Variants in KL observed in about 807,000 individuals in gnomAD.
KL encodes alpha-klotho.
In KL, 62 loss-of-function variants were observed where a neutral mutation model predicts 84.2. The observed-to-expected ratio is 0.74, with a 90% CI of 0.60 to 0.91. The LOEUF (loss-of-function observed/expected upper bound fraction) is 0.91, where lower values mean the gene tolerates loss of function less well. Among genes scored for constraint, KL ranks in the 40% least tolerant of loss-of-function variants. The pLI is 0.00. For synonymous variants in KL, 528 were observed against 528.0 expected, an observed-to-expected ratio of 1.00 and a Z score of 0.00; for missense variants, 1,261 against 1,305.7, an observed-to-expected ratio of 0.97 and a Z score of 0.53.
chr13:33,043,120 A>G (rs893141163), intron 1 of KL, among the ~76,000 whole-genome samples: 1 of 152,206 alleles, frequency 6.6e-6, no homozygotes, highest in African/African-American at 2.4e-5. Flanking sequence ...CTTTAATTTT[A>G]TAAGAAACTG....
chr13:33,023,074 C>T (rs565364563), intron 1 of KL, among the ~76,000 whole-genome samples: 3 of 152,290 alleles, frequency 2.0e-5, no homozygotes, highest in African/African-American at 7.2e-5. Context: ...AAGGTGGCCT[C>T]TCAAGTGCCT....
rs377442611 is a variant in KL at position 33,016,834 on chromosome 13, G to A, written c.394G>A (p.Val132Ile). The change falls in exon 1 of 5, where the codon GTC becomes ATC. Residue 132 changes from valine to isoleucine, a missense_variant. By Grantham distance (29) the Val-to-Ile change is conservative. Transcript: ENST00000380099. Reference protein sequence around the residue: ...GDVASDSYNNVFRDTEALREL... With the variant: ...GDVASDSYNNIFRDTEALREL... ...CGTAGCCAGCGACAGCTACAACAAC[G>A]TCTTCCGCGACACGGAGGCGCTGCG... is the stretch of plus-strand genomic sequence containing the variant. 6.8e-6 allele frequency: 11 copies of A among 1,612,792 alleles called. No individual in the cohort carries two copies. The African/African-American group carries it at 1.5e-4, about 22-fold the overall frequency.
At chr13:33,047,356 CTT>C (rs57916391) in intron 1 of KL, among the ~76,000 whole-genome samples, 139 of 139,198 alleles carry the variant, frequency 1.0e-3, no homozygotes, top group Admixed American at 1.2e-3. Context: ...AATCTACTTT[CTT>C]TTTTTTTTTT....
chr13:33,044,743 T>A (rs892649926), intron 1 of KL, among the ~76,000 whole-genome samples: 7 of 144,526 alleles, frequency 4.8e-5, no homozygotes, highest in Non-Finnish European at 9.0e-5. Context: ...CTTGAACTCC[T>A]GGGCTGAAGG....
In KL at chr13:33,055,169, G is replaced by A; in HGVS notation, c.1453G>A (p.Asp485Asn). Residue 485 changes from aspartate (D) to asparagine (N), a missense_variant, in exon 3 of 5, where the codon GAC becomes AAC. Asp to Asn is a conservative substitution (Grantham distance 23, BLOSUM62 1). Coordinates refer to ENST00000380099, the MANE Select transcript of KL (RefSeq NM_004795.4). ...GLFYVDFLSQ[D>N]KMLLPKSSAL... ...CTTCTATGTTGACTTTCTAAGCCAG[G>A]ACAAGATGTTGTTGCCAAAGTCTTC... 1 of 1,614,188 alleles carries A rather than the reference G, an allele frequency of 6.2e-7. No individual in the cohort carries two copies. Among genetic ancestry groups the A allele is most frequent in the Non-Finnish European group, 8.5e-7 (1 of 1,180,032 alleles).
chr13:33,059,649 T>C (rs1872095009), intron 3 of KL, among the ~76,000 whole-genome samples: 1 of 152,082 alleles, frequency 6.6e-6, no homozygotes, highest in Non-Finnish European at 1.5e-5. Context: ...CTTTTTGTAT[T>C]TTTAGTAGAG....
At chr13:33,034,547 A>C (rs1871089306) in intron 1 of KL, among the ~76,000 whole-genome samples, 3 of 152,200 alleles carry the variant, frequency 2.0e-5, no homozygotes, top group Non-Finnish European at 4.4e-5. Flanking sequence ...CACCAAAAAA[A>C]AAAATAAATA....
Position 33,060,734 on chromosome 13 carries a change from A to C in KL, c.1655A>C (p.His552Pro), listed in dbSNP as rs200206789. ...CTGAATGTTTACCTGTGGGATGTCC[A>C]CCACAGTAAAAGGCTTATTAAAGTG... ...TDLNVYLWDVHHSKRLIKVDG... is the reference protein window; with the variant it reads ...TDLNVYLWDVPHSKRLIKVDG... Residue 552 changes from histidine to proline, a missense_variant, in exon 4 of 5, where the codon CAC becomes CCC. By Grantham distance (77) the His-to-Pro change is moderately conservative. Transcript: ENST00000380099. 3.7e-5 allele frequency: 59 copies of C among 1,614,030 alleles called. No homozygotes were observed. The East Asian group carries it at 1.1e-3, about 29-fold the overall frequency.
chr13:33,032,123 A>G (rs1342388913), intron 1 of KL, among the ~76,000 whole-genome samples: 1 of 152,154 alleles, frequency 6.6e-6, no homozygotes, highest in Non-Finnish European at 1.5e-5. Context: ...TGCCTAGACC[A>G]TCCTCGTCCA....
At position 33,060,761 on chromosome 13, in the gene KL, A is replaced by G; in HGVS notation, c.1682A>G (p.Asp561Gly). The change falls in exon 4 of 5, where the codon GAT becomes GGT. Residue 561 changes from aspartate (D) to glycine (G), a missense_variant. Physicochemically the swap from Asp to Gly is moderately conservative, Grantham distance 94. Coordinates refer to ENST00000380099, the MANE Select transcript of KL (RefSeq NM_004795.4). ...VHHSKRLIKVDGVVTKKRKSY... is the reference protein window; with the variant it reads ...VHHSKRLIKVGGVVTKKRKSY... ...CACAGTAAAAGGCTTATTAAAGTGG[A>G]TGGGGTTGTGACCAAGAAGAGGAAA... is the stretch of plus-strand genomic sequence containing the variant. 1 of 1,614,186 alleles carries G rather than the reference A, an allele frequency of 6.2e-7. No homozygotes were observed. Among genetic ancestry groups the G allele is most frequent in the Non-Finnish European group, 8.5e-7 (1 of 1,180,026 alleles).
At position 33,061,781 on chromosome 13, in the gene KL, G is replaced by A. The variant is rs777574534; in HGVS notation, c.2701+1G>A. On this transcript the variant is annotated splice_donor_variant, in intron 4 of 4. Transcript: ENST00000380099. LOFTEE classifies it high-confidence loss of function. ...AATTACATAAACGAAGCTCTCAAAG[G>A]TAAGGAGCCCTAGCTGCGGCTATCT... 8 of 1,612,902 alleles carry A rather than the reference G, an allele frequency of 5.0e-6. No homozygotes were observed. In the South Asian group the frequency reaches 7.7e-5, roughly 15 times the overall value.
chr13:33,046,539 A>G (rs1871535299), intron 1 of KL, among the ~76,000 whole-genome samples: 1 of 151,908 alleles, frequency 6.6e-6, no homozygotes. Flanking sequence ...TTTTTTCTCT[A>G]GTCAGTCTTG....
chr13:33,035,799 C>T (rs1871131313), intron 1 of KL, among the ~76,000 whole-genome samples: 1 of 152,160 alleles, frequency 6.6e-6, no homozygotes, highest in Admixed American at 6.5e-5. Context: ...GAATGATTTT[C>T]ACCGCAGCAT....
At chr13:33,060,406 T>C (rs1872130646) in intron 3 of KL, among the ~76,000 whole-genome samples, 2 of 152,192 alleles carry the variant, frequency 1.3e-5, no homozygotes, top group African/African-American at 4.8e-5. Context: ...CTCATTAGCA[T>C]TTGTCATCTG....
chr13:33,043,280 T>C (rs1593800363), intron 1 of KL, among the ~76,000 whole-genome samples: 1 of 151,710 alleles, frequency 6.6e-6, no homozygotes. Context: ...CATACAATGG[T>C]GTGATCTCGG....
chr13:33,041,515 C>T (rs2138214764), intron 1 of KL, among the ~76,000 whole-genome samples: 1 of 152,130 alleles, frequency 6.6e-6, no homozygotes, highest in South Asian at 2.1e-4. Flanking sequence ...ATAGCATTTA[C>T]AATTCTAAGT....
Position 33,064,038 on chromosome 13 carries a change from C to T in KL, c.2891C>T (p.Pro964Leu), listed in dbSNP as rs1345058221. 2 of 1,614,178 alleles carry T rather than the reference C, an allele frequency of 1.2e-6. No individual in the cohort carries two copies. Residue 964 changes from proline to leucine, a missense_variant, in exon 5 of 5, where the codon CCA (proline) becomes CTA (leucine). By Grantham distance (98) the Pro-to-Leu change is moderately conservative. Coordinates refer to ENST00000380099, the MANE Select transcript of KL (RefSeq NM_004795.4). ...CCAGAAACTCTGGAAAGATTTTGTC[C>T]AGAAGAATTCACCGTGTGTACTGAG... ...PGPETLERFC[P>L]EEFTVCTECS...
intron 1 of KL, among the ~76,000 whole-genome samples, chr13:33,023,819 C>T (rs1870659962): frequency 6.6e-6 from 1 of 152,128 alleles, no homozygotes; most frequent in African/African-American, 2.4e-5. Flanking sequence ...AATGGTTAAG[C>T]AAATGTTATT....
intron 1 of KL, among the ~76,000 whole-genome samples, chr13:33,041,214 T>C (rs1041297305): frequency 6.6e-6 from 1 of 152,084 alleles, no homozygotes; most frequent in Non-Finnish European, 1.5e-5. Context: ...ACAACAGTGG[T>C]CTCCTATGTT....
Sources: allele counts gnomAD v4.1 joint callset (sites outside exome capture counted in the v4.1 genomes callset), GRCh38; gene constraint gnomAD v4.1.1; transcripts MANE v1.5; gene names NCBI Gene and HGNC (gene_info 2026-07-23, HGNC 2026-07-21).